The following TUT4 variants were observed in gnomAD, a reference collection of about 807,000 sequenced individuals.
The protein encoded by TUT4 is terminal uridylyltransferase 4.
In TUT4, 36 loss-of-function variants were observed where a neutral mutation model predicts 192.2. The observed-to-expected ratio is 0.19, with a 90% CI of 0.14 to 0.25. The LOEUF (loss-of-function observed/expected upper bound fraction) is 0.25, where lower values mean the gene tolerates loss of function less well. Among genes scored for constraint, TUT4 ranks in the 10% least tolerant of loss-of-function variants. TUT4 has a pLI of 1.00. For missense variants in TUT4, 1,493 were observed against 1,957.2 expected, an observed-to-expected ratio of 0.76 and a Z score of 4.47; for synonymous variants, 618 against 666.0, an observed-to-expected ratio of 0.93 and a Z score of 1.11.
intron 9 of TUT4, among the ~76,000 whole-genome samples, chr1:52,482,385 C>T (rs1268799465): frequency 6.6e-6 from 1 of 152,110 alleles, no homozygotes; most frequent in African/African-American, 2.4e-5. Context: ...GTATATTACT[C>T]TTCTCCCTTA....
intron 11 of TUT4, 110 bp downstream of exon 11, chr1:52,481,313 C>T (rs2148963572): frequency 8.7e-7 from 1 of 1,153,388 alleles, no homozygotes; most frequent in Non-Finnish European, 1.2e-6. Context: ...GAAAATGAGG[C>T]CAAGAGGCTT....
intron 28 of TUT4, among the ~76,000 whole-genome samples, chr1:52,430,335 T>G (rs150556900): frequency 1.3e-5 from 2 of 152,174 alleles, no homozygotes; most frequent in East Asian, 3.9e-4. Flanking sequence ...CTGGCTGGAG[T>G]GCAATGGCGC....
At chr1:52,487,384 C>T (rs1020932824) in intron 9 of TUT4, among the ~76,000 whole-genome samples, 7 of 151,742 alleles carry the variant, frequency 4.6e-5, no homozygotes, top group African/African-American at 1.7e-4. Flanking sequence ...CCTGGGAGGT[C>T]GAGGCTACTG....
intron 24 of TUT4, among the ~76,000 whole-genome samples, chr1:52,440,210 CAA>C (rs1655088339): frequency 6.6e-6 from 1 of 152,140 alleles, no homozygotes; most frequent in Non-Finnish European, 1.5e-5. Context: ...GACGGTTGCA[CAA>C]TCCTGTATAT....
chr1:52,489,590 G>A (rs1670636329), intron 8 of TUT4, among the ~76,000 whole-genome samples: 1 of 152,200 alleles, frequency 6.6e-6, no homozygotes, highest in Admixed American at 6.5e-5. Flanking sequence ...CTGTGTAAGT[G>A]AAAATAGCAG....
At chr1:52,427,825 G>C (rs1452685489) in intron 28 of TUT4, among the ~76,000 whole-genome samples, 2 of 152,194 alleles carry the variant, frequency 1.3e-5, no homozygotes, top group African/African-American at 4.8e-5. Flanking sequence ...CTAACTCACA[G>C]ATCAATCTTA....
At chr1:52,464,853 G>T in intron 16 of TUT4, 3 of 394,080 alleles carry the variant, frequency 7.6e-6, no homozygotes, top group Non-Finnish European at 1.3e-5. Flanking sequence ...TCAGTGACAT[G>T]GTTTTTGTAT....
intron 1 of TUT4, among the ~76,000 whole-genome samples, chr1:52,534,557 A>ACT (rs1684382135): frequency 2.6e-5 from 4 of 152,142 alleles, no homozygotes; most frequent in Non-Finnish European, 5.9e-5. Context: ...GTTAGGTATA[A>ACT]AATTCTAGGT....
At chr1:52,476,656 G>A (rs536802310) in intron 12 of TUT4, among the ~76,000 whole-genome samples, 1 of 151,642 alleles carries the variant, frequency 6.6e-6, no homozygotes, top group African/African-American at 2.4e-5. Flanking sequence ...AAGAGGGGGG[G>A]AAAAGAAAGA....
intron 1 of TUT4, chr1:52,538,791 T>C (rs1452264649): frequency 1.3e-5 from 2 of 152,192 alleles, no homozygotes; most frequent in African/African-American, 2.4e-5. Context: ...AAAATGATGA[T>C]GCAGAAGGAA....
chr1:52,459,221 G>C (rs1388166004), intron 19 of TUT4, among the ~76,000 whole-genome samples: 1 of 151,820 alleles, frequency 6.6e-6, no homozygotes, highest in African/African-American at 2.4e-5. Flanking sequence ...AGGAGGCAGA[G>C]CTTGCAGTGA....
At chr1:52,437,094 T>C in intron 25 of TUT4, 116 bp from the exon 26 acceptor site, 1 of 1,415,840 alleles carries the variant, frequency 7.1e-7, no homozygotes, top group Non-Finnish European at 9.3e-7. Context: ...ATGCGTCTTT[T>C]TGAAGGCAAG....
At chr1:52,520,878 C>T (rs367807318) in intron 2 of TUT4, among the ~76,000 whole-genome samples, 4 of 152,054 alleles carry the variant, frequency 2.6e-5, no homozygotes, top group Non-Finnish European at 4.4e-5. Context: ...CTGCAACCTC[C>T]GCCTCCCAGG....
intron 2 of TUT4, among the ~76,000 whole-genome samples, chr1:52,518,148 G>A (rs1571208174): frequency 6.6e-6 from 1 of 152,236 alleles, no homozygotes; most frequent in East Asian, 1.9e-4. Context: ...GTACATGAAT[G>A]TTCATAGAAT....
chr1:52,513,770 T>C (rs957638995), intron 3 of TUT4, among the ~76,000 whole-genome samples: 4 of 152,186 alleles, frequency 2.6e-5, no homozygotes, highest in Admixed American at 2.6e-4. Context: ...TTTTCTTATT[T>C]GCTTATGTGT....
intron 26 of TUT4, 98 bp downstream of exon 26, chr1:52,436,656 AT>A: frequency 6.5e-7 from 1 of 1,543,358 alleles, no homozygotes; most frequent in Non-Finnish European, 8.7e-7. Context: ...AAATCATACA[AT>A]TAGGTTTGCA....
chr1:52,427,187 C>A (rs1029894835), intron 28 of TUT4, among the ~76,000 whole-genome samples: 6 of 152,064 alleles, frequency 3.9e-5, no homozygotes, highest in Non-Finnish European at 8.8e-5. Context: ...AATTTCAGCA[C>A]AGTAAGACAA....
intron 7 of TUT4, 87 bp from the exon 8 acceptor site, chr1:52,490,888 A>C: frequency 5.5e-6 from 6 of 1,100,496 alleles, no homozygotes; most frequent in Non-Finnish European, 7.8e-6. Flanking sequence ...TTTCCTTCTG[A>C]AAATTATTCT....
chr1:52,547,188 A>G (rs893256956), intron 1 of TUT4, among the ~76,000 whole-genome samples: 1 of 149,648 alleles, frequency 6.7e-6, no homozygotes, highest in Non-Finnish European at 1.5e-5. Context: ...TAGTATCCAG[A>G]ATATATTGAG....
Sources: allele counts gnomAD v4.1 joint callset (sites outside exome capture counted in the v4.1 genomes callset), GRCh38; gene constraint gnomAD v4.1.1; transcripts MANE v1.5; gene names NCBI Gene and HGNC (gene_info 2026-07-23, HGNC 2026-07-21).